The following HIBCH variants were observed in gnomAD, a reference collection of about 807,000 sequenced individuals.
The protein encoded by HIBCH is 3-hydroxyisobutyryl-CoA hydrolase, mitochondrial.
Under a neutral mutation model 58.2 loss-of-function variants are expected in HIBCH, and 50 were observed. The observed-to-expected ratio is 0.86, with a 90% CI of 0.68 to 1.09. The LOEUF (loss-of-function observed/expected upper bound fraction) is 1.09. Ranked by LOEUF, HIBCH falls within the 50% of genes least tolerant of loss-of-function variation. HIBCH has a pLI of 0.00. For missense variants in HIBCH, 450 were observed against 449.7 expected (o/e 1.00, Z -0.01); for synonymous variants, 151 against 146.9 (o/e 1.03, Z -0.20).
intron 11 of HIBCH, among the ~76,000 whole-genome samples, chr2:190,229,410 C>G (rs1686022525): frequency 6.6e-6 from 1 of 152,188 alleles, no homozygotes; most frequent in Non-Finnish European, 1.5e-5. Context: ...TTGCTCTCCT[C>G]TGAATAAAGG....
chr2:190,305,365 G>T (rs902074920), intron 2 of HIBCH, among the ~76,000 whole-genome samples: 3 of 152,136 alleles, frequency 2.0e-5, no homozygotes, highest in African/African-American at 7.2e-5. Context: ...CCTGCTGAAG[G>T]TGCTAGGGAA....
chr2:190,212,147 G>A (rs1015702700), intron 12 of HIBCH, among the ~76,000 whole-genome samples: 1 of 152,182 alleles, frequency 6.6e-6, no homozygotes, highest in African/African-American at 2.4e-5. Context: ...CATATAAAGT[G>A]CCTAGCGTAG....
intron 11 of HIBCH, among the ~76,000 whole-genome samples, chr2:190,234,737 T>G (rs1686214924): frequency 6.6e-6 from 1 of 151,552 alleles, no homozygotes; most frequent in Admixed American, 6.6e-5. Context: ...GTAATCCCAG[T>G]TACTCGGGAG....
chr2:190,224,171 T>C (rs1015824657), intron 11 of HIBCH, among the ~76,000 whole-genome samples: 5 of 152,218 alleles, frequency 3.3e-5, no homozygotes, highest in African/African-American at 1.2e-4. Context: ...CACAGCAGTC[T>C]GAGATCGAAC....
intron 2 of HIBCH, among the ~76,000 whole-genome samples, chr2:190,307,793 A>T (rs1056062195): frequency 1.3e-5 from 2 of 152,236 alleles, no homozygotes; most frequent in African/African-American, 4.8e-5. Context: ...GGCCTCACTG[A>T]CAGGTTCCAC....
intron 1 of HIBCH, among the ~76,000 whole-genome samples, chr2:190,194,362 T>TATAG (rs954768027): frequency 2.0e-4 from 30 of 152,142 alleles, no homozygotes; most frequent in African/African-American, 7.2e-4. Flanking sequence ...GTGTATCTTT[T>TATAG]ATAGATAGCA....
chr2:190,228,557 A>AAG (rs1553497264), intron 11 of HIBCH, among the ~76,000 whole-genome samples: 4 of 151,602 alleles, frequency 2.6e-5, no homozygotes, highest in African/African-American at 9.7e-5. Flanking sequence ...ATTAAAAAAA[A>AAG]AGAGAGAGAG....
chr2:190,202,105 G>A (rs1690262345), downstream of HIBCH: 1 of 166,966 alleles, frequency 6.0e-6, no homozygotes, highest in Non-Finnish European at 1.5e-5. Flanking sequence ...TTTAATTTCA[G>A]GTTCCTTCTG....
chr2:190,276,052 T>C (rs746638955), intron 6 of HIBCH, among the ~76,000 whole-genome samples: 17 of 152,194 alleles, frequency 1.1e-4, no homozygotes, highest in Admixed American at 3.9e-4. Context: ...TTTACCAGTA[T>C]GATCCTGAAG....
At chr2:190,305,223 C>A (rs1392167692) in intron 2 of HIBCH, among the ~76,000 whole-genome samples, 1 of 152,008 alleles carries the variant, frequency 6.6e-6, no homozygotes, top group Admixed American at 6.6e-5. Context: ...TTTGACAGAG[C>A]TTGGAAGTTC....
intron 8 of HIBCH, among the ~76,000 whole-genome samples, chr2:190,251,010 C>A (rs1255800902): frequency 6.6e-6 from 1 of 152,140 alleles, no homozygotes; most frequent in African/African-American, 2.4e-5. Flanking sequence ...TCAGTATAAT[C>A]TCTGGCATCC....
chr2:190,208,257 G>A (rs1326411871), intron 13 of HIBCH, among the ~76,000 whole-genome samples: 3 of 152,180 alleles, frequency 2.0e-5, no homozygotes, highest in Non-Finnish European at 1.5e-5. Context: ...GGAAAGTAGG[G>A]TTAGACCACT....
intron 6 of HIBCH, among the ~76,000 whole-genome samples, chr2:190,272,859 G>A (rs2105966161): frequency 6.6e-6 from 1 of 152,112 alleles, no homozygotes; most frequent in Non-Finnish European, 1.5e-5. Flanking sequence ...AGATGGAAAT[G>A]GGGTATAGGA....
At chr2:190,269,942 G>A (rs1380389807) in intron 6 of HIBCH, among the ~76,000 whole-genome samples, 1 of 152,062 alleles carries the variant, frequency 6.6e-6, no homozygotes, top group Non-Finnish European at 1.5e-5. Flanking sequence ...GATGAAGCTG[G>A]AAGCCATCAT....
At position 190,205,228 on chromosome 2, in the gene HIBCH, T is replaced by C. The variant is rs756784753; in HGVS notation, c.1050A>G (p.Leu350=). ...HDFHEGVRAV[L]IDKDQSPKWK... ...ATTTTGGACTCTGGTCTTTATCAAT[T>C]AAAACTGTCAAGAGAAGATACAAAT... Residue 350 remains leucine (L), a synonymous_variant, in exon 14 of 14, where the codon TTA becomes TTG. Transcript: ENST00000359678. 3 of 1,505,968 alleles carry C rather than the reference T, an allele frequency of 2.0e-6. No homozygotes were observed. In the South Asian group the frequency reaches 3.4e-5, roughly 17 times the overall value. 93.3% of individuals were successfully genotyped at this position (1,505,968 alleles called of 1,614,324 possible). A position where few individuals can be genotyped will look rare whatever the true frequency, so the allele number is the denominator to read the frequency against.
At chr2:190,200,057 CTCAGGAT>C, downstream of HIBCH, 1 of 1,614,074 alleles carries the variant, frequency 6.2e-7, no homozygotes. Flanking sequence ...CACCGCCTGT[CTCAGGAT>C]ATCTTGTGTG....
intron 2 of HIBCH, among the ~76,000 whole-genome samples, chr2:190,303,230 A>G (rs545801048): frequency 8.5e-5 from 13 of 152,330 alleles, no homozygotes; most frequent in African/African-American, 2.9e-4. Flanking sequence ...TATTACAGAT[A>G]CATACATTAC....
intron 1 of HIBCH, among the ~76,000 whole-genome samples, chr2:190,198,736 A>T (rs1690099936): frequency 6.6e-6 from 1 of 151,968 alleles, no homozygotes; most frequent in South Asian, 2.1e-4. Context: ...GGGACCATTA[A>T]TCTCATTCAT....
intron 2 of HIBCH, 127 bp from the exon 3 acceptor site, chr2:190,297,080 A>G (rs1236369880): frequency 7.2e-6 from 6 of 835,496 alleles, no homozygotes; most frequent in Admixed American, 2.2e-5. Flanking sequence ...ATAACTAGGT[A>G]CACCTTATAA....
Sources: gnomAD v4.1 joint callset for allele counts (sites outside exome capture counted in the v4.1 genomes callset) on GRCh38, gnomAD v4.1.1 for gene constraint, MANE v1.5 for transcripts, NCBI Gene and HGNC (gene_info 2026-07-23, HGNC 2026-07-21) for gene names.